Variants in GAK observed in about 807,000 individuals in gnomAD.
GAK encodes cyclin G associated kinase.
GAK carries 79 observed loss-of-function variants against 143.9 expected under a neutral mutation model. The observed-to-expected ratio is 0.55, with a 90% CI of 0.46 to 0.66. The LOEUF (loss-of-function observed/expected upper bound fraction) is 0.66. GAK is among the 30% of genes least tolerant of loss of function. The pLI is 0.00. For synonymous variants in GAK, 881 were observed against 765.5 expected, an observed-to-expected ratio of 1.15 and a Z score of -2.49; for missense variants, 1,693 against 1,779.7, an observed-to-expected ratio of 0.95 and a Z score of 0.88.
chr4:881,496 A>G (rs1355736951), intron 15 of GAK, among the ~76,000 whole-genome samples: 1 of 152,210 alleles, frequency 6.6e-6, no homozygotes, highest in African/African-American at 2.4e-5. Flanking sequence ...GGAGCGGCAC[A>G]GAAGCCTGTA....
Position 849,710 on chromosome 4 carries a change from G to C in GAK, c.3899C>G (p.Ser1300Trp). ...MIFMELNDAWSEFENQGSRPL... is the reference protein window; with the variant it reads ...MIFMELNDAWWEFENQGSRPL... ...CCGGGAGCCCTGGTTCTCAAACTCC[G>C]ACCAGGCGTCATTCAGCTCCATGAA... Residue 1300 changes from serine to tryptophan, a missense_variant, in exon 28 of 28, where the codon TCG (serine) becomes TGG (tryptophan). By Grantham distance (177) the Ser-to-Trp change is radical (BLOSUM62 -3). This residue lies in a region of GAK where 822 missense variants were observed against 788.7 expected (regional missense o/e 1.04). Coordinates refer to ENST00000314167, the MANE Select transcript of GAK (RefSeq NM_005255.4). 12 of 1,613,298 alleles carry C rather than the reference G, an allele frequency of 7.4e-6. No individual in the cohort carries two copies. The highest frequency in any genetic ancestry group is 1.0e-5 in the Non-Finnish European group (12 of 1,179,622).
At chr4:917,334 A>C (rs1385429966) in intron 1 of GAK, among the ~76,000 whole-genome samples, 3 of 152,162 alleles carry the variant, frequency 2.0e-5, no homozygotes, top group African/African-American at 4.8e-5. Flanking sequence ...TGCCAGGCCA[A>C]AAAAAGAGAG....
intron 5 of GAK, among the ~76,000 whole-genome samples, chr4:898,539 T>C (rs868474561): frequency 4.6e-5 from 7 of 152,296 alleles, no homozygotes; most frequent in South Asian, 2.1e-4. Flanking sequence ...AAACCACCCA[T>C]AAATCAAAGA....
intron 15 of GAK, among the ~76,000 whole-genome samples, chr4:878,179 A>T (rs1444125960): frequency 2.6e-5 from 4 of 152,162 alleles, no homozygotes; most frequent in African/African-American, 9.7e-5. Context: ...TCACAAGGTC[A>T]GGAGTTTGAG....
At chr4:861,820 GAGA>G (rs1750334442) in intron 23 of GAK, among the ~76,000 whole-genome samples, 2 of 152,222 alleles carry the variant, frequency 1.3e-5, no homozygotes, top group African/African-American at 2.4e-5. Flanking sequence ...GTGATCTGGA[GAGA>G]AGGTCAAACT....
intron 7 of GAK, 140 bp downstream of exon 7, chr4:896,320 A>T: frequency 1.5e-6 from 1 of 663,800 alleles, no homozygotes; most frequent in Non-Finnish European, 2.6e-6. Context: ...TAAGGAAAGG[A>T]AAAAGAAAAG....
intron 18 of GAK, among the ~76,000 whole-genome samples, chr4:875,391 G>A (rs916152137): frequency 1.3e-5 from 2 of 152,208 alleles, no homozygotes; most frequent in African/African-American, 4.8e-5. Flanking sequence ...AAGACACCCC[G>A]GTCTCCCGGT....
At position 876,734 on chromosome 4, in the gene GAK, C is replaced by A. The variant is rs556708357; in HGVS notation, c.1975-125G>T. 5 of 779,332 alleles carry A rather than the reference C, an allele frequency of 6.4e-6. No individual in the cohort carries two copies. The Admixed American group carries it at 8.2e-5, about 13-fold the overall frequency. 48.3% of individuals were successfully genotyped at this position (779,332 alleles called of 1,614,324 possible). A position where few individuals can be genotyped will look rare whatever the true frequency, so the allele number is the denominator to read the frequency against. ...ATGGTGCTGGAGGCATGGACGGCGC[C>A]CCCGTGCCACATGTTGTGGGGGAAG... On this transcript the variant is annotated intron_variant, in intron 17 of 27. Coordinates refer to ENST00000314167, the MANE Select transcript of GAK (RefSeq NM_005255.4).
chr4:856,999 G>C (rs1265941422), intron 24 of GAK, among the ~76,000 whole-genome samples: 1 of 152,202 alleles, frequency 6.6e-6, no homozygotes, highest in Non-Finnish European at 1.5e-5. Context: ...CTGCCTTGTT[G>C]ATGTGACCAC....
intron 24 of GAK, among the ~76,000 whole-genome samples, chr4:858,658 C>T (rs1406421647): frequency 6.6e-6 from 1 of 152,242 alleles, no homozygotes; most frequent in Non-Finnish European, 1.5e-5. Context: ...CGAAAAAACT[C>T]TTGGGACTTC....
intron 23 of GAK, among the ~76,000 whole-genome samples, chr4:863,258 C>T (rs770990070): frequency 3.9e-5 from 6 of 152,138 alleles, no homozygotes; most frequent in Non-Finnish European, 5.9e-5. Context: ...CAGATGGGAC[C>T]GAATTACTGC....
At chr4:900,327 C>T (rs1719631307) in intron 5 of GAK, among the ~76,000 whole-genome samples, 1 of 152,242 alleles carries the variant, frequency 6.6e-6, no homozygotes, top group South Asian at 2.1e-4. Context: ...AACAGCCGTC[C>T]AGACTCCCAC....
At chr4:858,229 T>C (rs764963768) in intron 24 of GAK, among the ~76,000 whole-genome samples, 9 of 152,236 alleles carry the variant, frequency 5.9e-5, no homozygotes, top group Non-Finnish European at 1.2e-4. Context: ...TGCTCCGTCA[T>C]GTGTCGGGAC....
At chr4:866,031 C>G (rs1751104979) in intron 22 of GAK, among the ~76,000 whole-genome samples, 1 of 152,276 alleles carries the variant, frequency 6.6e-6, no homozygotes, top group East Asian at 1.9e-4. Flanking sequence ...TACACAAGCT[C>G]TGGGTGCAGG....
At chr4:923,237 C>T (rs567642233) in intron 1 of GAK, among the ~76,000 whole-genome samples, 10 of 152,154 alleles carry the variant, frequency 6.6e-5, no homozygotes, top group East Asian at 3.9e-4. Context: ...CTCACAGCCG[C>T]GTGGGAACCT....
chr4:920,539 A>ATTTTTTTTTTTTTTTTT lies in GAK; in HGVS notation c.146-6888_146-6872dup, dbSNP rs34176109. 1.4e-4 allele frequency among the ~76,000 whole-genome samples: 18 copies of ATTTTTTTTTTTTTTTTT among 129,588 alleles called. No homozygotes were observed. In the East Asian group the frequency reaches 1.9e-3, roughly 14 times the overall value. 85.0% of individuals were successfully genotyped at this position (129,588 alleles called of 152,430 possible). On this transcript the variant is annotated intron_variant, in intron 1 of 27. Coordinates refer to ENST00000314167, the MANE Select transcript of GAK (RefSeq NM_005255.4). ...AAAATTGTGAAAAAGGTTTAGAGCC[A>ATTTTTTTTTTTTTTTTT]TTTTTTTTTTTTTTTTTTTTTTGAG...
chr4:903,721 GAGGA>G (rs1560405346), intron 5 of GAK, among the ~76,000 whole-genome samples: 16 of 147,212 alleles, frequency 1.1e-4, no homozygotes, highest in African/African-American at 4.0e-4. Context: ...GGGGGCGGCC[GAGGA>G]AGGAGTGTGG....
chr4:910,810 C>G (rs1721921625), intron 4 of GAK, among the ~76,000 whole-genome samples: 1 of 152,134 alleles, frequency 6.6e-6, no homozygotes, highest in African/African-American at 2.4e-5. Flanking sequence ...GGCCACAGCT[C>G]TGAGGCCTCC....
At position 859,634 on chromosome 4, in the gene GAK, G is replaced by A. The variant is rs1749927895; in HGVS notation, c.3255C>T (p.Asp1085=). ...TKSQNPDPFA[D]LGDLSSGLQG... ...GGAGGCCGGAGCTGAGGTCGCCAAGGTCAGCAAATGGGTCCGGGTTCTGAG... is the reference window on the plus strand; with the variant it reads ...GGAGGCCGGAGCTGAGGTCGCCAAGATCAGCAAATGGGTCCGGGTTCTGAG... Residue 1085 remains aspartate (D), a synonymous_variant, in exon 24 of 28, where the codon GAC becomes GAT. Transcript: ENST00000314167. The A allele has an allele frequency of 1.3e-6, 2 of 1,599,546 alleles. No individual in the cohort carries two copies. The highest frequency in any genetic ancestry group is 1.7e-5 in the Admixed American group (1 of 59,768).
Sources: gnomAD v4.1 joint callset for allele counts (sites outside exome capture counted in the v4.1 genomes callset) on GRCh38, gnomAD v4.1.1 for gene constraint, gnomAD v4.1.1 regional missense constraint, MANE v1.5 for transcripts, NCBI Gene and HGNC (gene_info 2026-07-23, HGNC 2026-07-21) for gene names.